NCOR2: variants seen among roughly 807,000 people sequenced by gnomAD.
The protein encoded by NCOR2 is nuclear receptor corepressor 2.
NCOR2 carries 81 observed loss-of-function variants against 262.9 expected under a neutral mutation model. The ratio of observed to expected loss-of-function variants is 0.31; its 90% CI spans 0.26 to 0.37. The LOEUF (loss-of-function observed/expected upper bound fraction) is 0.37, where lower values mean the gene tolerates loss of function less well. NCOR2 is among the 10% of genes least tolerant of loss of function. The probability of loss-of-function intolerance (pLI) is 1.00; values close to 1 mark genes in which losing one functional copy is unlikely to be tolerated. For missense variants in NCOR2, 3,385 were observed against 3,621.4 expected (o/e 0.93, Z 1.68); for synonymous variants, 1,659 against 1,559.3 (o/e 1.06, Z -1.51).
chr12:124,440,513 C>T lies in NCOR2; in HGVS notation c.816-2517G>A, dbSNP rs2044746296. 6.6e-6 allele frequency among the ~76,000 whole-genome samples: 1 copy of T among 152,232 alleles called. No homozygotes were observed. Among genetic ancestry groups the T allele is most frequent in the South Asian group, 2.1e-4 (1 of 4,830 alleles). On this transcript the variant is annotated intron_variant, in intron 7 of 46. Transcript: ENST00000405201. The surrounding 1 kb of genome is among the most constrained non-coding windows in gnomAD (Gnocchi z 5.7). ...TCATAACAGGGTGTCTCTGAGCACA[C>T]CTCAGAAGCCCTCAGTTTCCTCATC...
At chr12:124,376,511 C>T (rs1230444152) in intron 18 of NCOR2, among the ~76,000 whole-genome samples, 2 of 152,198 alleles carry the variant, frequency 1.3e-5, no homozygotes, top group African/African-American at 2.4e-5. Context: ...CCAAGGGACT[C>T]GTGGCCCAGG....
At chr12:124,498,975 G>A (rs76684098), upstream of NCOR2, among the ~76,000 whole-genome samples, 7 of 152,254 alleles carry the variant, frequency 4.6e-5, no homozygotes, top group African/African-American at 1.7e-4. Flanking sequence ...GCTACCAGGA[G>A]GGCAGGGTGA....
rs1279503769 is a variant in NCOR2, at chr12:124,503,723, GATGGATGGATGGACGGATGGATGC to G, written c.-117-8379_-117-8356del. Among the ~76,000 whole-genome samples the G allele has an allele frequency of 6.6e-6, 1 of 151,336 alleles. No homozygotes were observed. The highest frequency in any genetic ancestry group is 6.6e-5 in the Admixed American group (1 of 15,212). On this transcript the variant is annotated intron_variant, in intron 1 of 46. Coordinates refer to the NCOR2 transcript ENST00000404621. The surrounding 1 kb of genome is among the most constrained non-coding windows in gnomAD (Gnocchi z 4.3). The stretch of plus-strand genomic sequence containing the variant: ...GGATGGATGGATGGACAGACGAATG[GATGGATGGATGGACGGATGGATGC>G]ATGGATGCATGGATGGATGGATGGA...
At chr12:124,451,669 G>T (rs1425907854) in intron 6 of NCOR2, among the ~76,000 whole-genome samples, 1 of 152,138 alleles carries the variant, frequency 6.6e-6, no homozygotes, top group East Asian at 1.9e-4. Context: ...GACTATGGTG[G>T]GAAGATCAGG....
At chr12:124,540,431 G>T (rs2051256508), upstream of NCOR2, among the ~76,000 whole-genome samples, 1 of 104,416 alleles carries the variant, frequency 9.6e-6, no homozygotes, top group Non-Finnish European at 1.9e-5. Flanking sequence ...ACTGGAGAGG[G>T]TTGGGGAGTA....
intron 1 of NCOR2, among the ~76,000 whole-genome samples, chr12:124,543,588 G>A (rs567131236): frequency 2.6e-5 from 4 of 152,288 alleles, no homozygotes; most frequent in South Asian, 2.1e-4. Flanking sequence ...CAGAAACCTC[G>A]CCGCCCCTCT....
intron 17 of NCOR2, among the ~76,000 whole-genome samples, chr12:124,382,807 A>C (rs1174074082): frequency 6.6e-6 from 1 of 152,238 alleles, no homozygotes; most frequent in Non-Finnish European, 1.5e-5. Context: ...TTGAGGGCTG[A>C]CCAAGGACCA....
Position 124,504,788 on chromosome 12 carries a change from A to G in NCOR2, c.-117-9420T>C, listed in dbSNP as rs1316601553. Among the ~76,000 whole-genome samples the G allele has an allele frequency of 1.3e-5, 2 of 152,224 alleles. No individual in the cohort carries two copies. The highest frequency in any genetic ancestry group is 2.9e-5 in the Non-Finnish European group (2 of 68,036). On this transcript the variant is annotated intron_variant, in intron 1 of 46. Coordinates refer to the NCOR2 transcript ENST00000404621. The surrounding 1 kb of genome is among the most constrained non-coding windows in gnomAD (Gnocchi z 4.5). ...GGCAAAGAAGCCGCTCAGAAAGGCCACGCACTGCATGATTCCATTAACTTC... is the reference window on the plus strand; with the variant it reads ...GGCAAAGAAGCCGCTCAGAAAGGCCGCGCACTGCATGATTCCATTAACTTC...
chr12:124,551,054 A>T (rs1594059288), intron 1 of NCOR2, among the ~76,000 whole-genome samples: 1 of 152,242 alleles, frequency 6.6e-6, no homozygotes, highest in East Asian at 1.9e-4. Flanking sequence ...CTGTAATCAT[A>T]CAGATAAAAA....
At position 124,517,330 on chromosome 12, in the gene NCOR2, G is replaced by T. The variant is rs1256783089; in HGVS notation, c.-118+18235C>A. On this transcript the variant is annotated intron_variant, in intron 1 of 46. Coordinates refer to the NCOR2 transcript ENST00000404621. This position sits in a 1 kb window ranked among gnomAD's most constrained non-coding sequence, Gnocchi z 7.6. ...CCTCCCTATGGCCGCGGCGCACCCAGACCTCAGGACAAATCACTCCCTCAT... is the reference window on the plus strand; with the variant it reads ...CCTCCCTATGGCCGCGGCGCACCCATACCTCAGGACAAATCACTCCCTCAT... 6.6e-6 allele frequency among the ~76,000 whole-genome samples: 1 copy of T among 152,134 alleles called. No homozygotes were observed. The highest frequency in any genetic ancestry group is 2.4e-5 in the African/African-American group (1 of 41,416).
chr12:124,479,320 ACACACGTGCG>A (rs748954985), intron 3 of NCOR2, among the ~76,000 whole-genome samples: 3 of 151,736 alleles, frequency 2.0e-5, no homozygotes, highest in Non-Finnish European at 2.9e-5. Context: ...GGACACATGC[ACACACGTGCG>A]CACACAAACA....
At chr12:124,346,805 C>T (rs746775179) in exon 31 of NCOR2, 6 of 1,573,544 alleles carry the variant, frequency 3.8e-6, no homozygotes, top group South Asian at 1.2e-5. Context: ...CTTGGCCTCC[C>T]GACGCAGGTA....
intron 14 of NCOR2, 113 bp from the exon 17 acceptor site, chr12:124,400,786 T>A: frequency 7.4e-7 from 1 of 1,344,524 alleles, no homozygotes; most frequent in Non-Finnish European, 1.0e-6. Flanking sequence ...GCCATGGCAC[T>A]AATCGGACGC....
rs554349456 is a variant in NCOR2, at chr12:124,408,034, C to A, written c.1483-5473G>T. On this transcript the variant is annotated intron_variant, in intron 13 of 46. Coordinates refer to ENST00000405201, the Ensembl canonical transcript of NCOR2. ...GCAGTCAGGGGAGGCCATCTCAGTGCGTTTAAGGGTTGTCTTTTTATAAGA... is the reference window on the plus strand; with the variant it reads ...GCAGTCAGGGGAGGCCATCTCAGTGAGTTTAAGGGTTGTCTTTTTATAAGA... Among the ~76,000 whole-genome samples the A allele has an allele frequency of 2.0e-5, 3 of 152,336 alleles. No individual in the cohort carries two copies. In the South Asian group the frequency reaches 6.2e-4, roughly 32 times the overall value.
At chr12:124,437,589 C>T (rs1172681582) in intron 8 of NCOR2, among the ~76,000 whole-genome samples, 1 of 152,182 alleles carries the variant, frequency 6.6e-6, no homozygotes, top group African/African-American at 2.4e-5. Context: ...CCCTGATCCT[C>T]CACCTCTCTC....
chr12:124,534,254 C>T (rs926718749), intron 1 of NCOR2, among the ~76,000 whole-genome samples: 5 of 152,070 alleles, frequency 3.3e-5, no homozygotes, highest in South Asian at 4.1e-4. Flanking sequence ...GTCAGGAGTT[C>T]GAGACCAGCC....
chr12:124,448,722 TCGAC>T lies in NCOR2; in HGVS notation c.815+1089_815+1092del, dbSNP rs1277897687. On this transcript the variant is annotated intron_variant, in intron 7 of 46. Coordinates refer to ENST00000405201, the Ensembl canonical transcript of NCOR2. ...AACTACAACAGCAGCGATCTCCCCG[TCGAC>T]TAGTCCAGCACCAGCAGATGTGTGA... Among the ~76,000 whole-genome samples, 498 of 152,284 alleles carry T rather than the reference TCGAC, an allele frequency of 3.3e-3. 2 individuals are homozygous for T. The highest frequency in any genetic ancestry group is 0.011 in the African/African-American group (471 of 41,552).
rs143364898 is a variant in NCOR2, at chr12:124,522,483, G to A, written c.-118+13082C>T. Among the ~76,000 whole-genome samples the A allele has an allele frequency of 9.1e-3, 1,383 of 152,256 alleles. 21 individuals are homozygous for A. Among genetic ancestry groups the A allele is most frequent in the African/African-American group, 0.031 (1,287 of 41,538 alleles). On this transcript the variant is annotated intron_variant, in intron 1 of 46. Transcript: ENST00000404621. ...CTCCTGGCGTTCCTTCCGTCTTCAC[G>A]TGGACTTCTCTGCTGTGTGTCTTCT...
intron 43 of NCOR2, chr12:124,332,054 A>C (rs2035246184): frequency 2.2e-6 from 1 of 463,996 alleles, no homozygotes; most frequent in Non-Finnish European, 4.0e-6. Flanking sequence ...CCCAGTATTC[A>C]TGCAGGTATT....
Sources: allele counts gnomAD v4.1 joint callset (sites outside exome capture counted in the v4.1 genomes callset), GRCh38; gene constraint gnomAD v4.1.1; non-coding constraint Gnocchi (gnomAD v3.1); transcripts MANE v1.5; gene names NCBI Gene and HGNC (gene_info 2026-07-23, HGNC 2026-07-21).